The following MROH2A variants were observed in gnomAD, a reference collection of about 807,000 sequenced individuals.
MROH2A encodes maestro heat like repeat family member 2A, also known as maestro heat-like repeat-containing protein family member 2A.
MROH2A carries 174 observed loss-of-function variants against 200.4 expected under a neutral mutation model. That is an observed-to-expected ratio of 0.87 (90% CI 0.77 to 0.98). The LOEUF (loss-of-function observed/expected upper bound fraction) is 0.98. MROH2A is among the 50% of genes least tolerant of loss of function. MROH2A has a pLI of 0.00. For synonymous variants in MROH2A, 829 were observed against 840.4 expected (o/e 0.99, Z 0.23); for missense variants, 2,045 against 2,139.6 (o/e 0.96, Z 0.87).
At chr2:233,788,128 ATATTTTATATATATATAATATATATT>A (rs1701482639) in intron 3 of MROH2A, among the ~76,000 whole-genome samples, 6 of 108,590 alleles carry the variant, frequency 5.5e-5, no homozygotes, top group East Asian at 4.6e-4. Flanking sequence ...ATATACATAT[ATATTTTATATATATATAATATATATT>A]TTATATATAC....
intron 3 of MROH2A, among the ~76,000 whole-genome samples, chr2:233,785,100 C>T (rs966756964): frequency 9.2e-5 from 14 of 151,518 alleles, no homozygotes; most frequent in African/African-American, 2.2e-4. Flanking sequence ...GAGCTGAGAT[C>T]GTGCCACTGC....
intron 21 of MROH2A, 35 bp from the exon 22 acceptor site, chr2:233,809,091 G>A: frequency 6.5e-7 from 1 of 1,532,462 alleles, no homozygotes; most frequent in Non-Finnish European, 8.8e-7. Context: ...AGCCCCTGCT[G>A]CCCCCAGTGG....
In MROH2A at chr2:233,794,489, G is replaced by A; in HGVS notation, c.949G>A (p.Val317Met). The A allele has an allele frequency of 2.6e-6, 4 of 1,541,620 alleles. No individual in the cohort carries two copies. The highest frequency in any genetic ancestry group is 3.5e-6 in the Non-Finnish European group (4 of 1,138,774). The change falls in exon 8 of 42, where the codon GTG becomes ATG. Residue 317 changes from valine (V) to methionine (M), a missense_variant. Physicochemically the swap from Val to Met is conservative, Grantham distance 21 (BLOSUM62 1). Around this residue, in one of 3 missense-constraint regions of MROH2A, gnomAD observed 831 missense variants for 800.0 expected, o/e 1.04. Coordinates refer to ENST00000389758, the MANE Select transcript of MROH2A (RefSeq NM_001394639.1). ...LLAEYQGSLE[V>M]LFVTQVLRQI... ...GGCGGAGTACCAGGGCAGTCTGGAG[G>A]TGCTCTTCGTCACGCAGGCGAGTGG...
Position 233,816,879 on chromosome 2 carries a change from T to C in MROH2A, c.2955T>C (p.Ala985=). The stretch of plus-strand genomic sequence containing the variant: ...TGTGGATTTATGTCCACAGCACTGC[T>C]GTCTGTGTGAGTCCAGGAGTCCCCA... ...YLMWIYVHST[A]VCIHLKLGQF... is the part of the protein sequence containing the mutation. The change falls in exon 27 of 42, where the codon GCT becomes GCC. Residue 985 remains alanine, a synonymous_variant. Coordinates refer to ENST00000389758, the MANE Select transcript of MROH2A (RefSeq NM_001394639.1). 1 of 1,542,788 alleles carries C rather than the reference T, an allele frequency of 6.5e-7. No homozygotes were observed. Among genetic ancestry groups the C allele is most frequent in the Non-Finnish European group, 8.8e-7 (1 of 1,140,128 alleles).
rs903058005 is a variant in MROH2A at position 233,804,554 on chromosome 2, G to A, written c.1944+7G>A. ...GGAAGACAAGCTGATTCAGGTAAAC[G>A]GGTAACAAGTTTGCTGAGGCCTGGG... On this transcript the variant is annotated splice_region_variant and intron_variant, in intron 18 of 41. Transcript: ENST00000389758. The A allele has an allele frequency of 7.7e-6, 12 of 1,551,096 alleles. No individual in the cohort carries two copies. Among genetic ancestry groups the A allele is most frequent in the African/African-American group, 1.4e-5 (1 of 73,038 alleles).
chr2:233,789,771 TGGAGAGAGCCTGGGGTAGGAA>T, intron 4 of MROH2A, 60 bp from the exon 5 acceptor site: 1 of 1,489,306 alleles, frequency 6.7e-7, no homozygotes. Context: ...CCAGGAGGGG[TGGAGAGAGCCTGGGGTAGGAA>T]GGTTTTCCTG....
chr2:233,832,742 TGC>T, intron 41 of MROH2A, 98 bp downstream of exon 41: 1 of 454,446 alleles, frequency 2.2e-6, no homozygotes, highest in South Asian at 1.7e-5. Context: ...GAGGACCCTT[TGC>T]TGTGGGGTTT....
At chr2:233,789,370 G>T in intron 3 of MROH2A, 127 bp from the exon 4 acceptor site, 2 of 964,684 alleles carry the variant, frequency 2.1e-6, no homozygotes, top group East Asian at 3.3e-5. Flanking sequence ...GGAGGAATGG[G>T]GATCTAAGAT....
chr2:233,823,312 G>A (rs1216485390), intron 34 of MROH2A, among the ~76,000 whole-genome samples: 1 of 152,254 alleles, frequency 6.6e-6, no homozygotes, highest in East Asian at 1.9e-4. Flanking sequence ...TGGGGTCCTA[G>A]TCACTCCGGA....
intron 3 of MROH2A, among the ~76,000 whole-genome samples, chr2:233,781,417 G>T (rs944201214): frequency 2.0e-5 from 3 of 151,948 alleles, no homozygotes; most frequent in Non-Finnish European, 4.4e-5. Flanking sequence ...CTATATTTTG[G>T]ATAAAAGTCT....
chr2:233,810,917 G>T lies in MROH2A; in HGVS notation c.2571+1G>T. 2 of 1,549,812 alleles carry T rather than the reference G, an allele frequency of 1.3e-6. No homozygotes were observed. The highest frequency in any genetic ancestry group is 1.7e-6 in the Non-Finnish European group (2 of 1,146,472). ...GACGACTCTTACCAGCATTATAGTG[G>T]TAAGCTGGGTGGGGCACCTCCTTGG... On this transcript the variant is annotated splice_donor_variant, in intron 23 of 41. Coordinates refer to ENST00000389758, the MANE Select transcript of MROH2A (RefSeq NM_001394639.1). LOFTEE classifies it high-confidence loss of function.
chr2:233,812,521 A>T (rs992706967), intron 24 of MROH2A, among the ~76,000 whole-genome samples: 1 of 152,238 alleles, frequency 6.6e-6, no homozygotes, highest in African/African-American at 2.4e-5. Flanking sequence ...GCATAGCAGA[A>T]CTATCTGTTA....
intron 21 of MROH2A, among the ~76,000 whole-genome samples, chr2:233,808,752 C>T (rs933789882): frequency 2.0e-5 from 3 of 152,168 alleles, no homozygotes; most frequent in Non-Finnish European, 4.4e-5. Context: ...TCTCCAGCCT[C>T]ATGTGTGCCT....
chr2:233,819,599 A>T, intron 30 of MROH2A, 130 bp downstream of exon 30: 1 of 1,029,204 alleles, frequency 9.7e-7, no homozygotes, highest in South Asian at 1.7e-5. Flanking sequence ...GCTGCTAAAG[A>T]GGAGGAGGAA....
Position 233,828,910 on chromosome 2 carries a change from C to A in MROH2A, c.4284C>A (p.Val1428=). The A allele has an allele frequency of 6.4e-7, 1 of 1,550,466 alleles. No homozygotes were observed. Among genetic ancestry groups the A allele is most frequent in the Non-Finnish European group, 8.7e-7 (1 of 1,146,968 alleles). Residue 1428 remains valine (V), a synonymous_variant, in exon 37 of 42, where the codon GTC becomes GTA. Coordinates refer to ENST00000389758, the MANE Select transcript of MROH2A (RefSeq NM_001394639.1). This position sits in a 1 kb window ranked among gnomAD's most constrained non-coding sequence, Gnocchi z 4.6. ...TCCAGGTGAAGCAGTACCGGAAGGTCTTGCTGGAGAAGTGCCTGGGCCCCC... is the reference window on the plus strand; with the variant it reads ...TCCAGGTGAAGCAGTACCGGAAGGTATTGCTGGAGAAGTGCCTGGGCCCCC... ...APKKVKQYRK[V]LLEKCLGPLR...
At chr2:233,800,824 A>G (rs976057829) in intron 14 of MROH2A, among the ~76,000 whole-genome samples, 1 of 149,708 alleles carries the variant, frequency 6.7e-6, no homozygotes, top group African/African-American at 2.5e-5. Flanking sequence ...TCAACTTTTA[A>G]TTGCAACAAA....
At chr2:233,816,341 C>T (rs546212026) in intron 26 of MROH2A, among the ~76,000 whole-genome samples, 2 of 152,056 alleles carry the variant, frequency 1.3e-5, no homozygotes, top group African/African-American at 4.8e-5. Context: ...TCATTTTTTG[C>T]TTCATGTATT....
intron 24 of MROH2A, among the ~76,000 whole-genome samples, chr2:233,812,517 C>G (rs1339721681): frequency 6.6e-6 from 1 of 152,180 alleles, no homozygotes; most frequent in African/African-American, 2.4e-5. Context: ...AGGCGCATAG[C>G]AGAACTATCT....
intron 13 of MROH2A, 105 bp downstream of exon 13, chr2:233,800,004 T>C: frequency 7.0e-7 from 1 of 1,428,388 alleles, no homozygotes; most frequent in Non-Finnish European, 9.5e-7. Context: ...CAAACCTGCG[T>C]ATCCATTCAT....
Sources: allele counts gnomAD v4.1 joint callset (sites outside exome capture counted in the v4.1 genomes callset), GRCh38; gene constraint gnomAD v4.1.1; regional missense constraint gnomAD v4.1.1; non-coding constraint Gnocchi (gnomAD v3.1); transcripts MANE v1.5; gene names NCBI Gene and HGNC (gene_info 2026-07-23, HGNC 2026-07-21).